The following NBEA variants were observed in gnomAD, a reference collection of about 807,000 sequenced individuals.
The protein encoded by NBEA is lysosomal-trafficking regulator 2.
A neutral mutation model predicts 343.4 loss-of-function variants in NBEA; 44 were observed. That is an observed-to-expected ratio of 0.13 (90% CI 0.10 to 0.16). The LOEUF is 0.16. NBEA is among the 10% of genes least tolerant of loss of function. The probability of loss-of-function intolerance (pLI) is 1.00; values close to 1 mark genes in which losing one functional copy is unlikely to be tolerated. For synonymous variants in NBEA, 1,175 were observed against 1,238.7 expected (o/e 0.95, Z 1.08); for missense variants, 2,555 against 3,631.3 (o/e 0.70, Z 7.62).
At chr13:35,148,198 A>G (rs972118878) in intron 18 of NBEA, among the ~76,000 whole-genome samples, 1 of 152,192 alleles carries the variant, frequency 6.6e-6, no homozygotes, top group Non-Finnish European at 1.5e-5. Context: ...GATTTCTTGC[A>G]AAGAGAAAAG....
At chr13:35,399,548 G>T (rs1400528720) in intron 38 of NBEA, among the ~76,000 whole-genome samples, 1 of 152,082 alleles carries the variant, frequency 6.6e-6, no homozygotes, top group Non-Finnish European at 1.5e-5. Flanking sequence ...GTCATTACAG[G>T]TCCCTCCCTC....
chr13:34,985,382 A>T (rs943539418), intron 1 of NBEA, among the ~76,000 whole-genome samples: 1 of 151,062 alleles, frequency 6.6e-6, no homozygotes, highest in African/African-American at 2.4e-5. Flanking sequence ...TATCCCAGGG[A>T]TGAAGCCGAC....
intron 34 of NBEA, among the ~76,000 whole-genome samples, chr13:35,243,777 G>T (rs2153074): frequency 0.045 from 6,798 of 151,840 alleles, 179 homozygotes; most frequent in South Asian, 0.079. Flanking sequence ...GACTTGAAGG[G>T]CAAAAAAGTT....
At chr13:35,453,892 C>A (rs2046427925) in intron 40 of NBEA, among the ~76,000 whole-genome samples, 1 of 152,066 alleles carries the variant, frequency 6.6e-6, no homozygotes, top group Admixed American at 6.6e-5. Flanking sequence ...TAAGTTCAAA[C>A]ACCTAAAGAA....
intron 43 of NBEA, among the ~76,000 whole-genome samples, chr13:35,552,676 C>T (rs765156511): frequency 2.0e-5 from 3 of 152,102 alleles, no homozygotes; most frequent in South Asian, 2.1e-4. Flanking sequence ...GAATAATCTC[C>T]TGTCTTCTGG....
chr13:35,358,747 T>G lies in NBEA; in HGVS notation c.6179+6424T>G, dbSNP rs966759245. 3.3e-5 allele frequency among the ~76,000 whole-genome samples: 5 copies of G among 152,024 alleles called. No individual in the cohort carries two copies. In the East Asian group the frequency reaches 9.7e-4, roughly 29 times the overall value. ...AAAAAAATTATGGAAATAAAAGATA[T>G]AAAACTTTGGCAAATGATAGGATAG... is the stretch of plus-strand genomic sequence containing the variant. On this transcript the variant is annotated intron_variant, in intron 38 of 58. Coordinates refer to ENST00000379939, the MANE Select transcript of NBEA (RefSeq NM_001385012.1).
chr13:35,430,834 A>C (rs2045058595), intron 38 of NBEA, among the ~76,000 whole-genome samples: 1 of 152,140 alleles, frequency 6.6e-6, no homozygotes, highest in Admixed American at 6.5e-5. Flanking sequence ...TCCTATTTTA[A>C]ATTAGGGAGG....
chr13:35,057,353 G>A (rs2063308806), intron 7 of NBEA, among the ~76,000 whole-genome samples: 1 of 152,142 alleles, frequency 6.6e-6, no homozygotes, highest in South Asian at 2.1e-4. Flanking sequence ...CACCCTATGA[G>A]CCAAATCTGA....
chr13:35,246,344 G>A (rs1209029205), intron 34 of NBEA, among the ~76,000 whole-genome samples: 2 of 152,006 alleles, frequency 1.3e-5, no homozygotes, highest in Non-Finnish European at 2.9e-5. Flanking sequence ...GATTTTTTGG[G>A]GGATGTTAAA....
At chr13:35,306,087 T>C (rs988577453) in intron 35 of NBEA, among the ~76,000 whole-genome samples, 1 of 152,282 alleles carries the variant, frequency 6.6e-6, no homozygotes, top group Admixed American at 6.5e-5. Flanking sequence ...GAAAGCAGGA[T>C]AGACAGAAGA....
At chr13:34,992,158 A>C (rs1339736552) in intron 1 of NBEA, among the ~76,000 whole-genome samples, 1 of 142,820 alleles carries the variant, frequency 7.0e-6, no homozygotes, top group Non-Finnish European at 1.5e-5. Flanking sequence ...TATTTCACCA[A>C]GTGTTTGAAA....
chr13:35,636,797 G>A (rs1422843370), intron 49 of NBEA, among the ~76,000 whole-genome samples: 1 of 152,160 alleles, frequency 6.6e-6, no homozygotes, highest in Non-Finnish European at 1.5e-5. Context: ...CCCCAAAGTG[G>A]GCAAAGAACC....
Position 35,138,091 on chromosome 13 carries a change from C to G in NBEA, c.2337-4178C>G, listed in dbSNP as rs1300610651. Reference sequence around the variant, plus strand: ...GGTCACAGGACAGTATCAGGAAGTTCTTGGAAGTAGTATAAATGGTTAGAA... The same window carrying G: ...GGTCACAGGACAGTATCAGGAAGTTGTTGGAAGTAGTATAAATGGTTAGAA... On this transcript the variant is annotated intron_variant, in intron 17 of 58. Coordinates refer to ENST00000379939, the MANE Select transcript of NBEA (RefSeq NM_001385012.1). Among the ~76,000 whole-genome samples, 8 of 152,178 alleles carry G rather than the reference C, an allele frequency of 5.3e-5. No homozygotes were observed. In the East Asian group the frequency reaches 1.5e-3, roughly 29 times the overall value.
chr13:35,459,005 GCCCCCC>G (rs559844063), intron 40 of NBEA, among the ~76,000 whole-genome samples: 1 of 100,496 alleles, frequency 1.0e-5, no homozygotes, highest in African/African-American at 4.7e-5. Context: ...CTTTACCACC[GCCCCCC>G]CCCCCCCACA....
chr13:35,374,461 A>G (rs975613253), intron 38 of NBEA, among the ~76,000 whole-genome samples: 3 of 152,218 alleles, frequency 2.0e-5, no homozygotes, highest in Admixed American at 1.3e-4. Context: ...AGCACGTGGC[A>G]CCAAGAGAGT....
Position 35,117,484 on chromosome 13 carries a change from G to T in NBEA, c.2073G>T (p.Leu691=). The T allele has an allele frequency of 7.6e-7, 1 of 1,312,816 alleles. No individual in the cohort carries two copies. Among genetic ancestry groups the T allele is most frequent in the Admixed American group, 2.9e-5 (1 of 34,226 alleles). 81.3% of individuals were successfully genotyped at this position (1,312,816 alleles called of 1,614,324 possible). The stretch of plus-strand genomic sequence containing the variant: ...TTATGCTACTTTTTCTGAAACAGCT[G>T]ATACTAAAGGTAAAATAATTTTATA... ...RAFMLLFLKQ[L]ILKDRGVKED... Residue 691 remains leucine (L), a synonymous_variant, in exon 14 of 59, where the codon CTG becomes CTT. Coordinates refer to ENST00000379939, the MANE Select transcript of NBEA (RefSeq NM_001385012.1).
intron 1 of NBEA, among the ~76,000 whole-genome samples, chr13:35,006,206 T>TC (rs898088806): frequency 8.5e-5 from 13 of 152,240 alleles, no homozygotes; most frequent in African/African-American, 3.1e-4. Flanking sequence ...TCTTTTTTTT[T>TC]CCCACTACTT....
chr13:35,587,833 G>T (rs987130202), intron 46 of NBEA, among the ~76,000 whole-genome samples: 1 of 151,868 alleles, frequency 6.6e-6, no homozygotes, highest in Admixed American at 6.6e-5. Context: ...TCTATGCAAG[G>T]GTATGCCAGA....
intron 34 of NBEA, among the ~76,000 whole-genome samples, chr13:35,286,874 A>G (rs1398804859): frequency 6.6e-6 from 1 of 151,950 alleles, no homozygotes; most frequent in East Asian, 1.9e-4. Context: ...TGTGAACCCA[A>G]AAGAACTGCC....
Sources: gnomAD v4.1 joint callset for allele counts (sites outside exome capture counted in the v4.1 genomes callset) on GRCh38, gnomAD v4.1.1 for gene constraint, MANE v1.5 for transcripts, NCBI Gene and HGNC (gene_info 2026-07-23, HGNC 2026-07-21) for gene names.